UNC80: variants seen among roughly 807,000 people sequenced by gnomAD.
UNC80 encodes the protein unc-80 subunit of NALCN channel complex.
Under a neutral mutation model 384.6 loss-of-function variants are expected in UNC80, and 164 were observed. The observed-to-expected ratio is 0.43, with a 90% confidence interval of 0.38 to 0.49. The LOEUF is 0.49. Ranked by LOEUF, UNC80 falls within the 20% of genes least tolerant of loss-of-function variation. The pLI is 0.00. For synonymous variants in UNC80, 1,486 were observed against 1,527.8 expected, an observed-to-expected ratio of 0.97 and a Z score of 0.64; for missense variants, 3,330 against 4,143.0, an observed-to-expected ratio of 0.80 and a Z score of 5.39.
At chr2:209,954,012 C>A in intron 47 of UNC80, 88 bp from the exon 48 acceptor site, 1 of 1,377,822 alleles carries the variant, frequency 7.3e-7, no homozygotes. Context: ...TCTCTAGATG[C>A]TTTTCATTGT....
intron 22 of UNC80, among the ~76,000 whole-genome samples, chr2:209,856,152 T>C (rs764182387): frequency 6.6e-6 from 1 of 152,158 alleles, no homozygotes; most frequent in Non-Finnish European, 1.5e-5. Context: ...ATTTTTATTT[T>C]TAACAATGTG....
At chr2:209,940,169 C>T (rs753917258) in intron 43 of UNC80, among the ~76,000 whole-genome samples, 2 of 151,796 alleles carry the variant, frequency 1.3e-5, no homozygotes, top group East Asian at 1.9e-4. Flanking sequence ...AAACAAAGAC[C>T]GGGTATTTGT....
intron 45 of UNC80, 133 bp from the exon 46 acceptor site, chr2:209,944,918 A>AATT (rs2091839610): frequency 1.9e-6 from 2 of 1,067,720 alleles, no homozygotes; most frequent in African/African-American, 3.2e-5. Context: ...CGGGATCCAG[A>AATT]ATTATGTAAG....
chr2:209,808,983 A>G (rs1448117169), intron 7 of UNC80: 2 of 326,230 alleles, frequency 6.1e-6, no homozygotes, highest in African/African-American at 4.4e-5. Context: ...CGCTCCAAGC[A>G]CAACCAACTG....
chr2:209,903,484 TAA>T (rs2087706014), intron 28 of UNC80, among the ~76,000 whole-genome samples: 1 of 108,162 alleles, frequency 9.2e-6, no homozygotes, highest in East Asian at 2.2e-4. Context: ...AGTATATATG[TAA>T]TATATATATT....
At chr2:209,948,189 A>G (rs1441741438) in intron 47 of UNC80, among the ~76,000 whole-genome samples, 1 of 152,108 alleles carries the variant, frequency 6.6e-6, no homozygotes, top group Non-Finnish European at 1.5e-5. Flanking sequence ...ATGCATTTCT[A>G]TGGATGGAAC....
intron 39 of UNC80, 45 bp from the exon 40 acceptor site, chr2:209,935,669 T>A: frequency 9.3e-7 from 1 of 1,078,086 alleles, no homozygotes. Context: ...AAATACAAAT[T>A]TTCTATAGTA....
At chr2:209,919,456 A>T (rs1174948780) in intron 33 of UNC80, among the ~76,000 whole-genome samples, 1 of 152,204 alleles carries the variant, frequency 6.6e-6, no homozygotes, top group Non-Finnish European at 1.5e-5. Flanking sequence ...CAGAAAAGTT[A>T]TATCACTTTG....
chr2:209,810,217 C>T (rs995094468), intron 7 of UNC80, among the ~76,000 whole-genome samples: 1 of 152,280 alleles, frequency 6.6e-6, no homozygotes, highest in East Asian at 1.9e-4. Context: ...ATGGTTGTCA[C>T]TTGTCGGTGG....
rs1354737687 is a variant in UNC80, at chr2:209,997,601, T to C, written c.*2006T>C. The C allele has an allele frequency of 1.3e-5, 2 of 152,224 alleles. No individual in the cohort carries two copies. The highest frequency in any genetic ancestry group is 2.9e-5 in the Non-Finnish European group (2 of 68,034). The allele number at this position is 152,224 out of a possible 1,614,324, so 9.4% of individuals were successfully genotyped here. On this transcript the variant is annotated 3_prime_UTR_variant, in exon 65 of 65. Transcript: ENST00000673920. The stretch of plus-strand genomic sequence containing the variant: ...TATATGTATTTTAAAAGTATTGGGC[T>C]GTTCTGAACATGATTATGCTGGTCT...
chr2:209,930,907 A>G (rs1400978501), intron 37 of UNC80, 61 bp from the exon 38 acceptor site: 6 of 1,239,134 alleles, frequency 4.8e-6, no homozygotes, highest in Non-Finnish European at 6.8e-6. Flanking sequence ...TCAAGAAGTT[A>G]ATTTTATTTT....
At chr2:209,807,012 A>G (rs2078942115) in intron 7 of UNC80, among the ~76,000 whole-genome samples, 1 of 152,210 alleles carries the variant, frequency 6.6e-6, no homozygotes, top group Non-Finnish European at 1.5e-5. Flanking sequence ...AAAGTAGACT[A>G]AAGAAATTCT....
chr2:209,934,284 G>T (rs1320766740), intron 39 of UNC80, among the ~76,000 whole-genome samples: 1 of 152,148 alleles, frequency 6.6e-6, no homozygotes, highest in Non-Finnish European at 1.5e-5. Context: ...TAAGTCTATT[G>T]CAGAGAGCCA....
At chr2:209,845,945 T>C (rs2082135086) in intron 21 of UNC80, among the ~76,000 whole-genome samples, 1 of 152,054 alleles carries the variant, frequency 6.6e-6, no homozygotes, top group Admixed American at 6.6e-5. Flanking sequence ...TTTCCTTCTC[T>C]CTTTTCTTTC....
Position 209,787,729 on chromosome 2 carries a change from C to A in UNC80, c.724+1540C>A, listed in dbSNP as rs149095132. Among the ~76,000 whole-genome samples, 374 of 152,194 alleles carry A rather than the reference C, an allele frequency of 2.5e-3. 2 individuals carry two copies. The highest frequency in any genetic ancestry group is 8.7e-3 in the African/African-American group (362 of 41,528). ...AAAGTATAGCCCATACAATTATATACGCACATAATACTTTATAATAATAAC... is the reference window on the plus strand; with the variant it reads ...AAAGTATAGCCCATACAATTATATAAGCACATAATACTTTATAATAATAAC... On this transcript the variant is annotated intron_variant, in intron 5 of 64. Transcript: ENST00000673920.
At chr2:209,882,940 A>T (rs1011981791) in intron 25 of UNC80, among the ~76,000 whole-genome samples, 2 of 152,218 alleles carry the variant, frequency 1.3e-5, no homozygotes, top group African/African-American at 4.8e-5. Context: ...TGATTAATAT[A>T]ATTTGACTAA....
At chr2:209,915,924 G>T (rs1021686387) in intron 31 of UNC80, among the ~76,000 whole-genome samples, 1 of 152,100 alleles carries the variant, frequency 6.6e-6, no homozygotes, top group African/African-American at 2.4e-5. Flanking sequence ...CAAGGTGGTG[G>T]ATATTTTAAG....
chr2:209,792,434 G>A (rs1316667962), intron 6 of UNC80, among the ~76,000 whole-genome samples: 2 of 152,174 alleles, frequency 1.3e-5, no homozygotes, highest in Non-Finnish European at 2.9e-5. Flanking sequence ...TGAAAGCTCC[G>A]CCTCCCGGGT....
At chr2:209,833,893 C>T in intron 16 of UNC80, 109 bp from the exon 17 acceptor site, 1 of 1,070,078 alleles carries the variant, frequency 9.3e-7, no homozygotes, top group South Asian at 1.6e-5. Flanking sequence ...CTTAATGATT[C>T]CAATGCTCAT....
Sources: gnomAD v4.1 joint callset for allele counts (sites outside exome capture counted in the v4.1 genomes callset) on GRCh38, gnomAD v4.1.1 for gene constraint, MANE v1.5 for transcripts, NCBI Gene and HGNC (gene_info 2026-07-23, HGNC 2026-07-21) for gene names.